Variants in JAM3 observed in about 807,000 individuals in gnomAD.
JAM3 encodes the protein junctional adhesion molecule 3, also known as junctional adhesion molecule C.
Under a neutral mutation model 39.4 loss-of-function variants are expected in JAM3, and 31 were observed. That is an observed-to-expected ratio of 0.79 (90% CI 0.59 to 1.06). The LOEUF is 1.06. JAM3 is among the 50% of genes least tolerant of loss of function. The pLI, the probability that JAM3 is intolerant of heterozygous loss-of-function variation, is 0.00. For synonymous variants in JAM3, 182 were observed against 148.7 expected, an observed-to-expected ratio of 1.22 and a Z score of -1.63; for missense variants, 455 against 391.4, an observed-to-expected ratio of 1.16 and a Z score of -1.37.
At chr11:134,137,619 G>A (rs1236955285) in intron 1 of JAM3, among the ~76,000 whole-genome samples, 1 of 152,026 alleles carries the variant, frequency 6.6e-6, no homozygotes, top group Non-Finnish European at 1.5e-5. Flanking sequence ...CTCATACTGA[G>A]AGAAATGTTT....
chr11:134,135,834 C>T (rs577323727), intron 1 of JAM3, among the ~76,000 whole-genome samples: 228 of 152,040 alleles, frequency 1.5e-3, no homozygotes, highest in African/African-American at 5.1e-3. Flanking sequence ...TTTGGGGGGC[C>T]GAGGCGGGTA....
At chr11:134,142,829 C>G (rs889603218) in intron 3 of JAM3, among the ~76,000 whole-genome samples, 91 of 152,254 alleles carry the variant, frequency 6.0e-4, no homozygotes, top group African/African-American at 2.0e-3. Flanking sequence ...GTGGATTTGC[C>G]TGTTCTGGAC....
chr11:134,148,348 G>A (rs182566330), intron 6 of JAM3, 199 bp from the exon 7 acceptor site: 310 of 628,258 alleles, frequency 4.9e-4, no homozygotes, highest in South Asian at 1.2e-3. Flanking sequence ...TACTTTTCAC[G>A]TGTGAAGTTA....
chr11:134,070,993 A>G (rs922040215), intron 1 of JAM3, among the ~76,000 whole-genome samples: 1 of 152,146 alleles, frequency 6.6e-6, no homozygotes, highest in African/African-American at 2.4e-5. Flanking sequence ...TCTTTTTTTT[A>G]GTAGGGGCTC....
intron 1 of JAM3, among the ~76,000 whole-genome samples, chr11:134,112,889 A>G (rs921853681): frequency 4.6e-5 from 7 of 152,198 alleles, no homozygotes; most frequent in African/African-American, 1.7e-4. Flanking sequence ...ATCTTGTCTC[A>G]TTTGAGGTCT....
intron 1 of JAM3, among the ~76,000 whole-genome samples, chr11:134,131,241 CGGG>C (rs1175138805): frequency 3.6e-4 from 11 of 30,878 alleles, no homozygotes; most frequent in Admixed American, 1.4e-3. Flanking sequence ...TTTGGGGGGG[CGGG>C]GGGGTGGTTG....
chr11:134,125,392 C>T (rs1435048819), intron 1 of JAM3, among the ~76,000 whole-genome samples: 1 of 152,232 alleles, frequency 6.6e-6, no homozygotes, highest in Non-Finnish European at 1.5e-5. Context: ...TTTTAGGCTT[C>T]AAGGTCTGAT....
chr11:134,085,702 G>T (rs1941736712), intron 1 of JAM3, among the ~76,000 whole-genome samples: 1 of 152,148 alleles, frequency 6.6e-6, no homozygotes, highest in African/African-American at 2.4e-5. Context: ...TCCTCTGTGT[G>T]TATCTTGGCT....
intron 1 of JAM3, among the ~76,000 whole-genome samples, chr11:134,082,051 G>A (rs533165125): frequency 2.0e-5 from 3 of 152,348 alleles, no homozygotes; most frequent in Middle Eastern, 3.4e-3. Context: ...TCGCCCCTTT[G>A]TCTTGGCCAA....
rs1277406385 is a variant in JAM3, at chr11:134,144,291, T to G, written c.307T>G (p.Trp103Gly). 3 of 1,613,980 alleles carry G rather than the reference T, an allele frequency of 1.9e-6. No individual in the cohort carries two copies. The change falls in exon 4 of 9, where the codon TGG (tryptophan) becomes GGG (glycine). Residue 103 changes from tryptophan to glycine, a missense_variant. Coordinates refer to ENST00000299106, the MANE Select transcript of JAM3 (RefSeq NM_032801.5). Reference sequence around the variant, plus strand: ...ACTGGGGAAGACATCCCTGAAGATCTGGAATGTGACACGGAGAGACTCAGC... The same window carrying G: ...ACTGGGGAAGACATCCCTGAAGATCGGGAATGTGACACGGAGAGACTCAGC... ...EILGKTSLKI[W>G]NVTRRDSALY...
At chr11:134,115,507 T>C (rs1035439734) in intron 1 of JAM3, among the ~76,000 whole-genome samples, 2 of 152,216 alleles carry the variant, frequency 1.3e-5, no homozygotes, top group African/African-American at 2.4e-5. Flanking sequence ...CTATAACTTA[T>C]GACCTTGATA....
intron 1 of JAM3, among the ~76,000 whole-genome samples, chr11:134,130,578 C>T (rs1196179363): frequency 6.6e-6 from 1 of 152,170 alleles, no homozygotes; most frequent in Admixed American, 6.5e-5. Flanking sequence ...GTTGTAGAAG[C>T]TCTGAAATCA....
Position 134,148,295 on chromosome 11 carries a change from T to C in JAM3, c.713-252T>C, listed in dbSNP as rs554287090. Reference sequence around the variant, plus strand: ...GCCTACAGTGCCAAGCCCACTTTAATACACTTTTCAGTGCGACTGCATTTC... The same window carrying C: ...GCCTACAGTGCCAAGCCCACTTTAACACACTTTTCAGTGCGACTGCATTTC... On this transcript the variant is annotated intron_variant, in intron 6 of 8. Transcript: ENST00000299106. 1.7e-4 allele frequency: 95 copies of C among 545,122 alleles called. 1 individual carries two copies. The highest frequency in any genetic ancestry group is 1.6e-3 in the African/African-American group (84 of 52,758). The allele number at this position is 545,122 out of a possible 1,614,324, so 33.8% of individuals were successfully genotyped here.
chr11:134,139,054 C>T (rs1942925239), intron 1 of JAM3, among the ~76,000 whole-genome samples: 1 of 152,164 alleles, frequency 6.6e-6, no homozygotes, highest in African/African-American at 2.4e-5. Flanking sequence ...TTATTAGAGG[C>T]ATGGCAGCTA....
intron 1 of JAM3, among the ~76,000 whole-genome samples, chr11:134,096,748 G>A (rs757127424): frequency 3.1e-4 from 47 of 152,162 alleles, no homozygotes; most frequent in Non-Finnish European, 6.0e-4. Flanking sequence ...ATTGGGGTGT[G>A]TGCTCAGTTA....
At chr11:134,136,716 A>G (rs943020924) in intron 1 of JAM3, among the ~76,000 whole-genome samples, 2 of 152,158 alleles carry the variant, frequency 1.3e-5, no homozygotes, top group African/African-American at 2.4e-5. Context: ...AGCTACCTGT[A>G]TTTAAATCTC....
At chr11:134,135,490 A>G (rs888193680) in intron 1 of JAM3, among the ~76,000 whole-genome samples, 1 of 151,726 alleles carries the variant, frequency 6.6e-6, no homozygotes, top group Non-Finnish European at 1.5e-5. Flanking sequence ...GTATTTTTTA[A>G]TCCTAAAATG....
chr11:134,084,805 G>A (rs557821371), intron 1 of JAM3, among the ~76,000 whole-genome samples: 115 of 152,328 alleles, frequency 7.5e-4, no homozygotes, highest in South Asian at 5.4e-3. Context: ...TTCAAAATAA[G>A]ATGCTTTAGC....
At chr11:134,073,897 C>G (rs1289349707) in intron 1 of JAM3, among the ~76,000 whole-genome samples, 1 of 152,082 alleles carries the variant, frequency 6.6e-6, no homozygotes, top group East Asian at 1.9e-4. Context: ...AAAAAAATGT[C>G]TTATTTCTAG....
Sources: gnomAD v4.1 joint callset for allele counts (sites outside exome capture counted in the v4.1 genomes callset) on GRCh38, gnomAD v4.1.1 for gene constraint, MANE v1.5 for transcripts, NCBI Gene and HGNC (gene_info 2026-07-23, HGNC 2026-07-21) for gene names.